The following SNTB2 variants were observed in gnomAD, a reference collection of about 807,000 sequenced individuals.
The protein encoded by SNTB2 is beta-2-syntrophin.
In SNTB2, 34 loss-of-function variants were observed where a neutral mutation model predicts 46.2. That is an observed-to-expected ratio of 0.74 (90% CI 0.56 to 0.98). The LOEUF (loss-of-function observed/expected upper bound fraction) is 0.98, where lower values mean the gene tolerates loss of function less well. SNTB2 is among the 50% of genes least tolerant of loss of function. SNTB2 has a pLI of 0.00. For synonymous variants in SNTB2, 290 were observed against 312.6 expected (o/e 0.93, Z 0.76); for missense variants, 603 against 731.4 (o/e 0.82, Z 2.02).
At chr16:69,187,773 G>GGGGGCC in intron 1 of SNTB2, 27 bp downstream of exon 1, 1 of 331,850 alleles carries the variant, frequency 3.0e-6, no homozygotes, top group Non-Finnish European at 5.5e-6. Flanking sequence ...GGGAGGGTGG[G>GGGGGCC]CAGGCCGCGG....
At chr16:69,300,736 A>C (rs1437668103) in intron 6 of SNTB2, 96 bp from the exon 7 acceptor site, 5 of 861,188 alleles carry the variant, frequency 5.8e-6, no homozygotes, top group Non-Finnish European at 9.8e-6. Context: ...GCTCTGGCAC[A>C]TTCTTTACCT....
At chr16:69,223,065 G>A (rs920724171) in intron 1 of SNTB2, among the ~76,000 whole-genome samples, 3 of 151,800 alleles carry the variant, frequency 2.0e-5, no homozygotes, top group African/African-American at 2.4e-5. Context: ...GAGCCACTGC[G>A]CCCAGCCGTT....
At chr16:69,222,982 C>T (rs1223040458) in intron 1 of SNTB2, among the ~76,000 whole-genome samples, 1 of 151,934 alleles carries the variant, frequency 6.6e-6, no homozygotes, top group East Asian at 1.9e-4. Flanking sequence ...TGAGGTTTCA[C>T]CACAGTGGCC....
chr16:69,264,677 G>C (rs1381153736), intron 3 of SNTB2, among the ~76,000 whole-genome samples: 1 of 152,104 alleles, frequency 6.6e-6, no homozygotes, highest in Non-Finnish European at 1.5e-5. Context: ...TATGCTTGAA[G>C]TACGTGAACC....
chr16:69,194,879 C>T (rs1247822289), intron 1 of SNTB2, among the ~76,000 whole-genome samples: 1 of 152,114 alleles, frequency 6.6e-6, no homozygotes, highest in Non-Finnish European at 1.5e-5. Context: ...CTAAAACCAT[C>T]AGAAGATAAT....
At chr16:69,285,416 A>G (rs995464503) in intron 5 of SNTB2, among the ~76,000 whole-genome samples, 1 of 143,142 alleles carries the variant, frequency 7.0e-6, no homozygotes, top group Non-Finnish European at 1.5e-5. Context: ...GTCCAGTGGC[A>G]TGATCCATCA....
At chr16:69,191,183 G>T (rs1011436476) in intron 1 of SNTB2, 1 of 147,752 alleles carries the variant, frequency 6.8e-6, no homozygotes, top group Non-Finnish European at 1.5e-5. Flanking sequence ...CAGATTATTT[G>T]TTCCTTCTCC....
intron 1 of SNTB2, among the ~76,000 whole-genome samples, chr16:69,205,920 C>T (rs1284172783): frequency 6.6e-6 from 1 of 152,128 alleles, no homozygotes; most frequent in Non-Finnish European, 1.5e-5. Flanking sequence ...AAATCCTTTC[C>T]ATTGAGGTCC....
chr16:69,267,993 A>G (rs1316186659), intron 3 of SNTB2, among the ~76,000 whole-genome samples: 1 of 152,214 alleles, frequency 6.6e-6, no homozygotes. Flanking sequence ...CTGAGGAGGG[A>G]AAAGTTTTGA....
chr16:69,211,109 A>T (rs1453456302), intron 1 of SNTB2, among the ~76,000 whole-genome samples: 4 of 152,102 alleles, frequency 2.6e-5, no homozygotes. Context: ...AATTTCTGTT[A>T]ATTAAAAAAA....
At chr16:69,223,404 A>G (rs1964426395) in intron 1 of SNTB2, among the ~76,000 whole-genome samples, 1 of 151,996 alleles carries the variant, frequency 6.6e-6, no homozygotes, top group Non-Finnish European at 1.5e-5. Flanking sequence ...CATGTTGGCC[A>G]GGCTGGTTTC....
At chr16:69,189,862 A>T (rs1964034140) in intron 1 of SNTB2, among the ~76,000 whole-genome samples, 1 of 152,260 alleles carries the variant, frequency 6.6e-6, no homozygotes, top group African/African-American at 2.4e-5. Flanking sequence ...GGGCTAAAAT[A>T]GGCCACGTGT....
intron 5 of SNTB2, among the ~76,000 whole-genome samples, chr16:69,289,228 C>T (rs1174672474): frequency 7.0e-6 from 1 of 143,138 alleles, no homozygotes; most frequent in Non-Finnish European, 1.5e-5. Context: ...AAGATCGCAC[C>T]ATTGCACTCC....
At chr16:69,274,700 G>A (rs1056932998) in intron 4 of SNTB2, among the ~76,000 whole-genome samples, 1 of 150,122 alleles carries the variant, frequency 6.7e-6, no homozygotes, top group African/African-American at 2.4e-5. Context: ...GCCATGGCAC[G>A]TGCCTGTAAT....
At chr16:69,277,646 A>G (rs1211491514) in intron 4 of SNTB2, among the ~76,000 whole-genome samples, 1 of 152,192 alleles carries the variant, frequency 6.6e-6, no homozygotes. Flanking sequence ...TTTTCCAACT[A>G]CATATTTATG....
rs1965239221 is a variant in SNTB2, at chr16:69,297,593, G to A, written c.1346-1997G>A. 2.7e-5 allele frequency among the ~76,000 whole-genome samples: 4 copies of A among 148,080 alleles called. No individual in the cohort carries two copies. In the Admixed American group the frequency reaches 2.7e-4, roughly 10 times the overall value. On this transcript the variant is annotated intron_variant, in intron 5 of 6. Coordinates refer to ENST00000336278, the MANE Select transcript of SNTB2 (RefSeq NM_006750.4). ...AGATCACGCCACTGCACCAGCCTGG[G>A]AGACAGAGCGAGACTCTGTCTCCAA...
intron 5 of SNTB2, among the ~76,000 whole-genome samples, chr16:69,292,371 TATATATATTATATATATATTA>T: frequency 2.3e-5 from 1 of 44,000 alleles, no homozygotes; most frequent in East Asian, 8.4e-4. Flanking sequence ...TATATATATA[TATATATATTATATATATATTA>T]TATATATATA....
intron 2 of SNTB2, among the ~76,000 whole-genome samples, chr16:69,250,105 T>C (rs1348863805): frequency 6.6e-6 from 1 of 152,154 alleles, no homozygotes; most frequent in Non-Finnish European, 1.5e-5. Flanking sequence ...AAATAAAAAA[T>C]TTTGCAAATG....
intron 4 of SNTB2, among the ~76,000 whole-genome samples, chr16:69,274,227 G>T (rs746383015): frequency 6.6e-6 from 1 of 151,000 alleles, no homozygotes; most frequent in Middle Eastern, 3.4e-3. Context: ...CAGAAGAATC[G>T]ATTGAACCCC....
Sources: allele counts gnomAD v4.1 joint callset (sites outside exome capture counted in the v4.1 genomes callset), GRCh38; gene constraint gnomAD v4.1.1; transcripts MANE v1.5; gene names NCBI Gene and HGNC (gene_info 2026-07-23, HGNC 2026-07-21).